BEND2: variants seen among roughly 807,000 people sequenced by gnomAD.
BEND2 encodes the protein BEN domain containing 2, also known as BEN domain-containing protein 2.
In BEND2, 19 loss-of-function variants were observed where a neutral mutation model predicts 43.8. The ratio of observed to expected loss-of-function variants is 0.43; its 90% CI spans 0.30 to 0.64. The LOEUF is 0.64. BEND2 is among the 30% of genes least tolerant of loss of function. BEND2 has a pLI of 0.11. For synonymous variants in BEND2, 226 were observed against 210.1 expected (o/e 1.08, Z -0.66); for missense variants, 544 against 574.0 (o/e 0.95, Z 0.53).
chrX:18,169,210 T>A (rs1447916474), intron 13 of BEND2, among the ~76,000 whole-genome samples: 1 of 111,390 alleles, frequency 9.0e-6, no homozygotes, highest in Non-Finnish European at 1.9e-5. Flanking sequence ...TATTTATGGA[T>A]CTATTAACAT....
chrX:18,201,427 A>AGC (rs1200469991), intron 6 of BEND2, among the ~76,000 whole-genome samples: 1 of 86,430 alleles, frequency 1.2e-5, no homozygotes, highest in Non-Finnish European at 2.3e-5. Context: ...ACAAAAAAAA[A>AGC]AAAACTGGTG....
intron 4 of BEND2, among the ~76,000 whole-genome samples, chrX:18,206,596 C>G: frequency 9.0e-6 from 1 of 110,506 alleles, no homozygotes; most frequent in Middle Eastern, 4.6e-3. Context: ...GGGGGCAGCT[C>G]TGAGTTCGGG....
At chrX:18,183,709 C>T (rs1407449252) in intron 8 of BEND2, among the ~76,000 whole-genome samples, 2 of 112,005 alleles carry the variant, frequency 1.8e-5, no homozygotes, top group Non-Finnish European at 3.8e-5. Context: ...GCTGAGTGAA[C>T]AGCAGTGGTG....
At chrX:18,209,291 A>G (rs893833706) in intron 4 of BEND2, among the ~76,000 whole-genome samples, 24 of 111,821 alleles carry the variant, frequency 2.1e-4, no homozygotes, top group African/African-American at 7.5e-4. Context: ...GAATCAACAT[A>G]AGGCACACAC....
chrX:18,199,401 A>G (rs1215899992), intron 6 of BEND2, among the ~76,000 whole-genome samples: 1 of 111,113 alleles, frequency 9.0e-6, no homozygotes, highest in African/African-American at 3.3e-5. Flanking sequence ...GTGATGATGG[A>G]AATGTTCTGT....
At chrX:18,173,115 A>ACTG (rs1271884077) in intron 12 of BEND2, among the ~76,000 whole-genome samples, 1 of 111,436 alleles carries the variant, frequency 9.0e-6, no homozygotes, top group African/African-American at 3.3e-5. Flanking sequence ...CACTGCAGTG[A>ACTG]CTGCTTGGCT....
At chrX:18,197,898 T>A (rs1359798276) in intron 6 of BEND2, among the ~76,000 whole-genome samples, 1 of 110,885 alleles carries the variant, frequency 9.0e-6, no homozygotes, top group East Asian at 2.8e-4. Flanking sequence ...AGTGAATAAC[T>A]CTCATGAGAT....
Position 18,216,682 on chromosome X carries a change from A to G in BEND2, c.77T>C (p.Ile26Thr). 8.3e-7 allele frequency: 1 copy of G among 1,210,908 alleles called. No homozygotes were observed. The highest frequency in any genetic ancestry group is 3.0e-5 in the East Asian group (1 of 33,860). Residue 26 changes from isoleucine (I) to threonine (T), a missense_variant, in exon 2 of 14, where the codon ATT becomes ACT. Coordinates refer to ENST00000380033, the MANE Select transcript of BEND2 (RefSeq NM_153346.5). Reference sequence around the variant, plus strand: ...TGTTTCAGAAACTTCCACCATCTCAATACTGCAATCATTGTTATCATCACT... The same window carrying G: ...TGTTTCAGAAACTTCCACCATCTCAGTACTGCAATCATTGTTATCATCACT... ...DDSDDNNDCS[I>T]EMVEVSETAD...
At chrX:18,175,032 G>A (rs1924101007) in intron 11 of BEND2, among the ~76,000 whole-genome samples, 1 of 111,866 alleles carries the variant, frequency 8.9e-6, no homozygotes, top group African/African-American at 3.3e-5. Flanking sequence ...GCACTTGGCA[G>A]ACACTGCTTC....
At chrX:18,220,591 C>A (rs966037431) in intron 1 of BEND2, 135 bp downstream of exon 1, 26 of 931,920 alleles carry the variant, frequency 2.8e-5, no homozygotes, top group Non-Finnish European at 3.6e-5. Context: ...ACCCAGAGGC[C>A]GCCCCCCGAC....
chrX:18,179,179 G>GTTTTTTTTTT (rs1164362773), intron 9 of BEND2, among the ~76,000 whole-genome samples: 2 of 58,407 alleles, frequency 3.4e-5, no homozygotes, highest in Non-Finnish European at 6.1e-5. Context: ...TTTTGTTTCT[G>GTTTTTTTTTT]TTTTTTTTTT....
rs769463063 is a variant in BEND2, at chrX:18,171,056, G to A, written c.2130C>T (p.Gly710=). 8.3e-7 allele frequency: 1 copy of A among 1,211,779 alleles called. No individual in the cohort carries two copies. Among genetic ancestry groups the A allele is most frequent in the Non-Finnish European group, 1.1e-6 (1 of 895,212 alleles). Residue 710 remains glycine (G), a synonymous_variant, in exon 13 of 14, where the codon GGC becomes GGT. Coordinates refer to ENST00000380033, the MANE Select transcript of BEND2 (RefSeq NM_153346.5). ...KDVLVQSNVY[G]NLKHGLCALD... Reference sequence around the variant, plus strand: ...GGGCACACAGGCCATGCTTCAGATTGCCATAGACGTTACTTTGGACCAGGA... The same window carrying A: ...GGGCACACAGGCCATGCTTCAGATTACCATAGACGTTACTTTGGACCAGGA...
chrX:18,174,235 T>C lies in BEND2; in HGVS notation c.1776A>G (p.Lys592=), dbSNP rs142738212. 42 of 1,208,688 alleles carry C rather than the reference T, an allele frequency of 3.5e-5. No individual in the cohort carries two copies. Among genetic ancestry groups the C allele is most frequent in the Non-Finnish European group, 4.7e-5 (42 of 894,610 alleles). ...ATGCCGATGCAACACGGTTGGTACG[T>C]TTTTTATTTTTGCGAACAGTTTTCT... ...STPKTVRKNK[K]RTNRVASASA... Residue 592 remains lysine, a synonymous_variant, in exon 12 of 14, where the codon AAA becomes AAG. Transcript: ENST00000380033.
chrX:18,217,037 A>G (rs929882703), intron 1 of BEND2, among the ~76,000 whole-genome samples: 1 of 112,774 alleles, frequency 8.9e-6, no homozygotes, highest in Non-Finnish European at 1.9e-5. Context: ...CCCATGCCAC[A>G]GTGTTCAATG....
At position 18,208,576 on chromosome X, in the gene BEND2, T is replaced by C. The variant is rs368588191; in HGVS notation, c.492+3989A>G. On this transcript the variant is annotated intron_variant, in intron 4 of 13. Transcript: ENST00000380033. ...ATAAAAAGAACAGTTTAAATATTTA[T>C]ATTTTTAAATTCTTTTTGTTTCTCC... Among the ~76,000 whole-genome samples the C allele has an allele frequency of 1.7e-4, 19 of 111,696 alleles. No homozygotes were observed. In the South Asian group the frequency reaches 4.9e-3, roughly 29 times the overall value.
At position 18,212,510 on chromosome X, in the gene BEND2, G is replaced by A. The variant is rs1459426629; in HGVS notation, c.492+55C>T. On this transcript the variant is annotated intron_variant, in intron 4 of 13. Transcript: ENST00000380033. Reference sequence around the variant, plus strand: ...CCATTTTTTAAAAAGAAATACAGCAGAATGAAAAGAACAAAGAGAGATTTT... The same window carrying A: ...CCATTTTTTAAAAAGAAATACAGCAAAATGAAAAGAACAAAGAGAGATTTT... 29 of 864,237 alleles carry A rather than the reference G, an allele frequency of 3.4e-5. No individual in the cohort carries two copies. In the East Asian group the frequency reaches 7.9e-4, roughly 24 times the overall value. The allele number at this position is 864,237 out of a possible 1,213,427, so 71.2% of individuals were successfully genotyped here. A position where few individuals can be genotyped will look rare whatever the true frequency, so the allele number is the denominator to read the frequency against.
chrX:18,203,778 T>C lies in BEND2; in HGVS notation c.630A>G (p.Arg210=), dbSNP rs1202445828. The part of the protein sequence containing the change: ...ADLSESLSYP[R]IVSSSSLQQY... ...GCTGTAATGAACTTGAGGAGACAAT[T>C]CTGGGATATGATAAACTCTCACTGA... The change falls in exon 5 of 14, where the codon AGA becomes AGG. Residue 210 remains arginine, a synonymous_variant. Coordinates refer to ENST00000380033, the MANE Select transcript of BEND2 (RefSeq NM_153346.5). The C allele has an allele frequency of 8.3e-7, 1 of 1,209,799 alleles. No homozygotes were observed. The highest frequency in any genetic ancestry group is 1.1e-6 in the Non-Finnish European group (1 of 894,890).
At chrX:18,207,842 A>C (rs894024733) in intron 4 of BEND2, among the ~76,000 whole-genome samples, 1 of 111,193 alleles carries the variant, frequency 9.0e-6, no homozygotes. Context: ...AACATGGCGA[A>C]ACCCTGTCTC....
chrX:18,206,422 T>C (rs1925334514), intron 4 of BEND2, among the ~76,000 whole-genome samples: 1 of 111,328 alleles, frequency 9.0e-6, no homozygotes, highest in Non-Finnish European at 1.9e-5. Flanking sequence ...CGAGTATCAA[T>C]GACATTCCAG....
Sources: gnomAD v4.1 joint callset for allele counts (sites outside exome capture counted in the v4.1 genomes callset) on GRCh38, gnomAD v4.1.1 for gene constraint, MANE v1.5 for transcripts, NCBI Gene and HGNC (gene_info 2026-07-23, HGNC 2026-07-21) for gene names.